Variants in ARRB1 observed in about 807,000 individuals in gnomAD.
ARRB1 encodes the protein beta-arrestin-1.
ARRB1 carries 21 observed loss-of-function variants against 56.8 expected under a neutral mutation model. The observed-to-expected ratio is 0.37, with a 90% CI of 0.26 to 0.53. The LOEUF (loss-of-function observed/expected upper bound fraction) is 0.53. Ranked by LOEUF, ARRB1 falls within the 20% of genes least tolerant of loss-of-function variation. ARRB1 has a pLI of 0.88. For missense variants in ARRB1, 424 were observed against 553.7 expected (o/e 0.77, Z 2.35); for synonymous variants, 210 against 218.6 (o/e 0.96, Z 0.35).
intron 1 of ARRB1, among the ~76,000 whole-genome samples, chr11:75,332,148 TC>T (rs1565143917): frequency 6.6e-6 from 1 of 151,972 alleles, no homozygotes. Context: ...CTTTGCTGAT[TC>T]CTTTTTCAGA....
chr11:75,267,617 C>T (rs780619497), intron 15 of ARRB1, 35 bp downstream of exon 15: 37 of 1,579,658 alleles, frequency 2.3e-5, no homozygotes, highest in Non-Finnish European at 2.9e-5. Context: ...ACCCGCGGCC[C>T]ACCCCCGGAT....
Position 75,283,289 on chromosome 11 carries a change from C to A in ARRB1, c.352G>T (p.Glu118Ter). 1 of 1,599,252 alleles carries A rather than the reference C, an allele frequency of 6.3e-7. No individual in the cohort carries two copies. The highest frequency in any genetic ancestry group is 8.5e-7 in the Non-Finnish European group (1 of 1,170,632). Residue 118 changes from glutamate (E) to a stop codon, truncating the protein, a stop_gained and splice_region_variant, in exon 5 of 16, where the codon GAG (glutamate) becomes TAG (stop). Coordinates refer to ENST00000420843, the MANE Select transcript of ARRB1 (RefSeq NM_004041.5). LOFTEE classifies it high-confidence loss of function. ...CCCCAGGGATGGCAGTTCCTGACCT[C>A]AAAGGTGAAAGGGTAAGCGTGCTCG... ...LGEHAYPFTF[E>*]IPPNLPCSVT...
chr11:75,290,222 C>T (rs1469286038), intron 1 of ARRB1, among the ~76,000 whole-genome samples, 183 bp from the exon 2 acceptor site: 4 of 152,238 alleles, frequency 2.6e-5, no homozygotes, highest in African/African-American at 4.8e-5. Flanking sequence ...TAAGCCTCCA[C>T]GATAGCCATT....
At chr11:75,273,696 CCCCAT>C (rs1946126055) in intron 11 of ARRB1, among the ~76,000 whole-genome samples, 2 of 5,872 alleles carry the variant, frequency 3.4e-4, no homozygotes, top group Admixed American at 4.2e-3. Context: ...TGGAGGGGCA[CCCCAT>C]GTTGGGTCTA....
chr11:75,328,475 T>A (rs1055278851), intron 1 of ARRB1, among the ~76,000 whole-genome samples: 13 of 152,198 alleles, frequency 8.5e-5, no homozygotes, highest in African/African-American at 3.1e-4. Flanking sequence ...GAAGACAACA[T>A]TGAGGTTCAT....
Position 75,264,856 on chromosome 11 carries a change from T to A in ARRB1, c.*1307A>T. The stretch of plus-strand genomic sequence containing the variant: ...TCAAAGGCCAGGCAAAGAGGATAAC[T>A]CCTAACACTTTCTATCTCATCTCCC... On this transcript the variant is annotated 3_prime_UTR_variant, in exon 16 of 16. Coordinates refer to ENST00000420843, the MANE Select transcript of ARRB1 (RefSeq NM_004041.5). The A allele has an allele frequency of 6.6e-6, 1 of 152,234 alleles. No individual in the cohort carries two copies. Among genetic ancestry groups the A allele is most frequent in the Non-Finnish European group, 1.5e-5 (1 of 68,110 alleles). The allele number at this position is 152,234 out of a possible 1,614,324, so 9.4% of individuals were successfully genotyped here.
intron 1 of ARRB1, among the ~76,000 whole-genome samples, chr11:75,338,033 G>A (rs557834612): frequency 1.8e-4 from 27 of 152,038 alleles, no homozygotes; most frequent in Non-Finnish European, 2.8e-4. Flanking sequence ...GCACAGAGGC[G>A]TGAAAAGTAC....
chr11:75,311,995 G>T, intron 1 of ARRB1: 1 of 1,267,554 alleles, frequency 7.9e-7, no homozygotes, highest in Non-Finnish European at 1.0e-6. Context: ...GGAAAAAGCT[G>T]ACCGTTCTCG....
chr11:75,347,052 G>C (rs1423360616), intron 1 of ARRB1, among the ~76,000 whole-genome samples: 2 of 152,266 alleles, frequency 1.3e-5, no homozygotes, highest in Non-Finnish European at 2.9e-5. Flanking sequence ...CCAGCCTGCT[G>C]TTCTACTGCC....
intron 2 of ARRB1, among the ~76,000 whole-genome samples, chr11:75,287,779 G>T (rs978185627): frequency 6.6e-6 from 1 of 152,210 alleles, no homozygotes; most frequent in Admixed American, 6.5e-5. Flanking sequence ...CTCTGAACGC[G>T]GGCCGCGCTG....
chr11:75,333,573 A>ATG (rs1947552934), intron 1 of ARRB1, among the ~76,000 whole-genome samples: 1 of 152,204 alleles, frequency 6.6e-6, no homozygotes, highest in Non-Finnish European at 1.5e-5. Context: ...TGTATTGAGC[A>ATG]CCTACTGTGT....
chr11:75,313,698 TACTTA>T (rs1947211093), intron 1 of ARRB1, among the ~76,000 whole-genome samples: 3 of 152,220 alleles, frequency 2.0e-5, no homozygotes, highest in African/African-American at 7.2e-5. Flanking sequence ...TGAAATCCCC[TACTTA>T]GCTCTTGGAT....
At chr11:75,291,688 A>G (rs34559163) in intron 1 of ARRB1, among the ~76,000 whole-genome samples, 9,932 of 152,204 alleles carry the variant, frequency 0.065, 427 homozygotes, top group South Asian at 0.09. Flanking sequence ...TGAAAGATAG[A>G]GACAGAGACC....
intron 2 of ARRB1, among the ~76,000 whole-genome samples, chr11:75,289,190 G>T (rs1286081419): frequency 2.0e-5 from 3 of 152,202 alleles, no homozygotes; most frequent in Non-Finnish European, 4.4e-5. Context: ...CCAAGCCACA[G>T]TGTTCCCGTG....
chr11:75,280,025 T>C (rs1946290988), intron 7 of ARRB1, among the ~76,000 whole-genome samples: 1 of 152,222 alleles, frequency 6.6e-6, no homozygotes, highest in Admixed American at 6.5e-5. Context: ...AGCCCAGCAC[T>C]GTAAATGGTG....
rs757602765 is a variant in ARRB1 at position 75,266,243 on chromosome 11, G to A, written c.1177C>T (p.Arg393Cys). Residue 393 changes from arginine (R) to cysteine (C), a missense_variant, in exon 16 of 16, where the codon CGC becomes TGC. By Grantham distance (180) the Arg-to-Cys change is radical. Coordinates refer to ENST00000420843, the MANE Select transcript of ARRB1 (RefSeq NM_004041.5). ...DDDIVFEDFA[R>C]QRLKGMKDDK... is the part of the protein sequence containing the mutation. ...TCCTTCATGCCTTTCAGTCTCTGGC[G>A]AGCAAAGTCCTCAAATACAATGTCG... 1.1e-5 allele frequency: 17 copies of A among 1,614,000 alleles called. No homozygotes were observed. Among genetic ancestry groups the A allele is most frequent in the East Asian group, 4.5e-5 (2 of 44,888 alleles).
chr11:75,271,644 A>C lies in ARRB1; in HGVS notation c.1022+57T>G. 3 of 1,528,426 alleles carry C rather than the reference A, an allele frequency of 2.0e-6. No homozygotes were observed. In the Admixed American group the frequency reaches 6.1e-5, roughly 31 times the overall value. The allele number at this position is 1,528,426 out of a possible 1,614,324, so 94.7% of individuals were successfully genotyped here. ...CCCTGTGATTCTGGTCAGTCAAGCC[A>C]ATGGGCTCCAGGCCCTCCAGGAAGG... On this transcript the variant is annotated intron_variant, in intron 13 of 15. Coordinates refer to ENST00000420843, the MANE Select transcript of ARRB1 (RefSeq NM_004041.5).
chr11:75,284,244 CTT>C lies in ARRB1; in HGVS notation c.146_147del (p.Lys49ArgfsTer69). The stretch of plus-strand genomic sequence containing the variant: ...GGGGGCCACAGCCTACCTCTCCGCT[CTT>C]TGAGATACTCAGGATCCACCAGGAC... The part of the protein sequence containing the change: ...GVVLVDPEYL[K>X]ERRVYVTLTC... On this transcript the variant is annotated frameshift_variant, in exon 4 of 16. Transcript: ENST00000420843. LOFTEE classifies it high-confidence loss of function. 22 of 1,609,694 alleles carry C rather than the reference CTT, an allele frequency of 1.4e-5. No individual in the cohort carries two copies. The highest frequency in any genetic ancestry group is 1.9e-5 in the Non-Finnish European group (22 of 1,176,870).
At chr11:75,271,860 C>A (rs2140402928) in intron 12 of ARRB1, 136 bp from the exon 13 acceptor site, 3 of 887,506 alleles carry the variant, frequency 3.4e-6, no homozygotes, top group Admixed American at 2.6e-5. Context: ...CACCCACCCC[C>A]CTGCACAGCC....
Sources: allele counts gnomAD v4.1 joint callset (sites outside exome capture counted in the v4.1 genomes callset), GRCh38; gene constraint gnomAD v4.1.1; transcripts MANE v1.5; gene names NCBI Gene and HGNC (gene_info 2026-07-23, HGNC 2026-07-21).